NEGR1: variants seen among roughly 807,000 people sequenced by gnomAD.
NEGR1 encodes neuronal growth regulator 1.
Under a neutral mutation model 40.9 loss-of-function variants are expected in NEGR1, and 10 were observed. The observed-to-expected ratio is 0.24, with a 90% CI of 0.15 to 0.42. The LOEUF (loss-of-function observed/expected upper bound fraction) is 0.42. NEGR1 is among the 10% of genes least tolerant of loss of function. NEGR1 has a pLI of 1.00. For missense variants in NEGR1, 352 were observed against 438.9 expected (o/e 0.80, Z 1.77); for synonymous variants, 185 against 166.8 (o/e 1.11, Z -0.84).
At chr1:71,560,098 A>G (rs190750560) in intron 6 of NEGR1, among the ~76,000 whole-genome samples, 26 of 151,378 alleles carry the variant, frequency 1.7e-4, no homozygotes, top group Middle Eastern at 3.4e-3. Context: ...GATGATGATG[A>G]TGATGATGAT....
chr1:71,868,586 G>T (rs1242341203), intron 2 of NEGR1, among the ~76,000 whole-genome samples: 3 of 152,034 alleles, frequency 2.0e-5, no homozygotes, highest in South Asian at 2.1e-4. Flanking sequence ...ATACAAAAAA[G>T]GGCCCCTGAA....
At chr1:71,952,172 T>G (rs1646076434) in intron 1 of NEGR1, among the ~76,000 whole-genome samples, 1 of 151,920 alleles carries the variant, frequency 6.6e-6, no homozygotes, top group African/African-American at 2.4e-5. Flanking sequence ...TTAAGGTTAG[T>G]GAGGAAGGCG....
At chr1:71,565,453 G>C (rs772736004) in intron 6 of NEGR1, among the ~76,000 whole-genome samples, 2 of 152,122 alleles carry the variant, frequency 1.3e-5, no homozygotes, top group East Asian at 3.9e-4. Context: ...CAAGGTATTT[G>C]CTTAGCAGGG....
chr1:72,131,151 G>A (rs1463996482), intron 1 of NEGR1, among the ~76,000 whole-genome samples: 2 of 152,068 alleles, frequency 1.3e-5, no homozygotes, highest in Non-Finnish European at 2.9e-5. Context: ...TCTTGATCAA[G>A]CTTATGGATA....
Position 72,250,470 on chromosome 1 carries a change from TTAAC to T in NEGR1, c.176+31845_176+31848del, listed in dbSNP as rs559763573. On this transcript the variant is annotated intron_variant, in intron 1 of 6. Coordinates refer to ENST00000357731, the MANE Select transcript of NEGR1 (RefSeq NM_173808.3). ...TTTGTAAATGCAGCTGCTAATTTGT[TTAAC>T]TAGGAACAAACAATGAAATAGTTAT... Among the ~76,000 whole-genome samples the T allele has an allele frequency of 2.8e-3, 428 of 152,274 alleles. 1 individual carries two copies. Among genetic ancestry groups the T allele is most frequent in the Non-Finnish European group, 4.7e-3 (318 of 68,016 alleles).
chr1:71,783,118 G>A (rs1262669271), intron 2 of NEGR1, among the ~76,000 whole-genome samples: 1 of 151,910 alleles, frequency 6.6e-6, no homozygotes, highest in Non-Finnish European at 1.5e-5. Context: ...GGTTAGTTTG[G>A]ATGAACTATA....
At chr1:71,802,488 C>A (rs903044233) in intron 2 of NEGR1, among the ~76,000 whole-genome samples, 1 of 152,148 alleles carries the variant, frequency 6.6e-6, no homozygotes, top group African/African-American at 2.4e-5. Flanking sequence ...ACCATAGGCC[C>A]AGAGCATGCA....
intron 6 of NEGR1, among the ~76,000 whole-genome samples, chr1:71,587,179 C>A (rs1036128638): frequency 7.2e-5 from 11 of 152,084 alleles, no homozygotes; most frequent in Non-Finnish European, 1.5e-4. Context: ...AGAGCCCATA[C>A]AGTTGCTTAC....
At chr1:71,929,213 T>C (rs1379133280) in intron 2 of NEGR1, among the ~76,000 whole-genome samples, 3 of 152,142 alleles carry the variant, frequency 2.0e-5, no homozygotes, top group Non-Finnish European at 4.4e-5. Context: ...CTCCTAGTTT[T>C]TACTGGTAGT....
intron 1 of NEGR1, among the ~76,000 whole-genome samples, chr1:71,996,594 G>C (rs1646506377): frequency 6.6e-6 from 1 of 151,912 alleles, no homozygotes; most frequent in Non-Finnish European, 1.5e-5. Context: ...TATCCCTTCA[G>C]GGAGCTCTCT....
chr1:71,685,144 T>C (rs566413262), intron 4 of NEGR1, among the ~76,000 whole-genome samples: 2 of 152,150 alleles, frequency 1.3e-5, no homozygotes, highest in Non-Finnish European at 2.9e-5. Flanking sequence ...TCATTTACTT[T>C]TCGCTTTTTG....
intron 2 of NEGR1, among the ~76,000 whole-genome samples, chr1:71,871,575 T>C (rs1378977335): frequency 6.6e-6 from 1 of 152,178 alleles, no homozygotes; most frequent in Admixed American, 6.5e-5. Flanking sequence ...CCTATACACC[T>C]TGTACATTTG....
intron 1 of NEGR1, chr1:72,275,264 T>G (rs752658556): frequency 3.6e-4 from 194 of 543,852 alleles, no homozygotes; most frequent in Non-Finnish European, 5.3e-4. Flanking sequence ...TATACCACAT[T>G]TTTTTCTGTA....
intron 1 of NEGR1, among the ~76,000 whole-genome samples, chr1:72,009,306 C>G (rs1324513643): frequency 1.3e-5 from 2 of 152,034 alleles, no homozygotes. Flanking sequence ...CCAAGCCATC[C>G]CTTTTCCCTC....
At chr1:71,498,912 C>A (rs1646982523) in intron 6 of NEGR1, among the ~76,000 whole-genome samples, 1 of 152,128 alleles carries the variant, frequency 6.6e-6, no homozygotes, top group Non-Finnish European at 1.5e-5. Context: ...TGGCTTCCAT[C>A]ATTTTCATCT....
At chr1:71,903,785 A>G (rs1390303642) in intron 2 of NEGR1, among the ~76,000 whole-genome samples, 2 of 151,694 alleles carry the variant, frequency 1.3e-5, no homozygotes, top group African/African-American at 4.8e-5. Flanking sequence ...AGCTATATCT[A>G]TATCATCTTC....
intron 1 of NEGR1, among the ~76,000 whole-genome samples, chr1:71,995,690 TA>T (rs1041939618): frequency 1.3e-5 from 2 of 152,168 alleles, no homozygotes; most frequent in African/African-American, 4.8e-5. Context: ...GCTGAAAAGA[TA>T]AAACTTACGA....
intron 2 of NEGR1, among the ~76,000 whole-genome samples, chr1:71,832,340 A>G (rs935286577): frequency 6.6e-6 from 1 of 152,004 alleles, no homozygotes; most frequent in African/African-American, 2.4e-5. Context: ...TTCATCAGAG[A>G]TACAAAGCTG....
chr1:71,729,755 C>T (rs1654791595), intron 3 of NEGR1, among the ~76,000 whole-genome samples: 1 of 152,012 alleles, frequency 6.6e-6, no homozygotes. Context: ...CCACCTCAGC[C>T]TCCCTAGTAG....
Sources: gnomAD v4.1 joint callset for allele counts (sites outside exome capture counted in the v4.1 genomes callset) on GRCh38, gnomAD v4.1.1 for gene constraint, MANE v1.5 for transcripts, NCBI Gene and HGNC (gene_info 2026-07-23, HGNC 2026-07-21) for gene names.